The following RBKS variants were observed in gnomAD, a reference collection of about 807,000 sequenced individuals.
RBKS encodes the protein ribokinase.
Under a neutral mutation model 33.9 loss-of-function variants are expected in RBKS, and 33 were observed. The observed-to-expected ratio is 0.97, with a 90% CI of 0.74 to 1.30. RBKS has a LOEUF of 1.30. Among genes scored for constraint, RBKS ranks in the 50% most tolerant of loss-of-function variants. The pLI is 0.00. For missense variants in RBKS, 361 were observed against 392.6 expected, an observed-to-expected ratio of 0.92 and a Z score of 0.68; for synonymous variants, 125 against 143.0, an observed-to-expected ratio of 0.87 and a Z score of 0.90.
At chr2:27,844,142 C>T (rs1663569374) in intron 4 of RBKS, among the ~76,000 whole-genome samples, 2 of 151,874 alleles carry the variant, frequency 1.3e-5, no homozygotes, top group South Asian at 2.1e-4. Flanking sequence ...TGCCTGCAGT[C>T]GCAGCTACTT....
rs1664694757 is a variant in RBKS, at chr2:27,890,141, C to G, written c.89+116G>C. On this transcript the variant is annotated intron_variant, in intron 1 of 7. Transcript: ENST00000302188. The surrounding 1 kb of genome is among the most constrained non-coding windows in gnomAD (Gnocchi z 4.8). ...GCTTCGAAAACCTGCAGCTCATACC[C>G]AAAGCTAGCACTGTCTATCCCTGGA... is the stretch of plus-strand genomic sequence containing the variant. 2.2e-6 allele frequency: 2 copies of G among 894,866 alleles called. No homozygotes were observed. The highest frequency in any genetic ancestry group is 2.5e-5 in the Admixed American group (1 of 39,522). 55.4% of individuals were successfully genotyped at this position (894,866 alleles called of 1,614,324 possible).
intron 7 of RBKS, among the ~76,000 whole-genome samples, chr2:27,797,904 C>T (rs1677692501): frequency 6.6e-6 from 1 of 152,048 alleles, no homozygotes; most frequent in African/African-American, 2.4e-5. Context: ...AGTTGAAAGC[C>T]AGGGGCTGCT....
chr2:27,814,377 T>C (rs1678048212), intron 7 of RBKS, among the ~76,000 whole-genome samples: 1 of 152,192 alleles, frequency 6.6e-6, no homozygotes, highest in Non-Finnish European at 1.5e-5. Context: ...TGGATGTTCA[T>C]GATATTATTC....
intron 7 of RBKS, among the ~76,000 whole-genome samples, chr2:27,823,157 G>A (rs1399142393): frequency 1.3e-5 from 2 of 152,166 alleles, no homozygotes; most frequent in Admixed American, 6.5e-5. Context: ...GTCATTTGGA[G>A]GCTGAGATTC....
At chr2:27,844,744 T>C (rs1421940523) in intron 4 of RBKS, among the ~76,000 whole-genome samples, 1 of 152,188 alleles carries the variant, frequency 6.6e-6, no homozygotes, top group Admixed American at 6.5e-5. Context: ...TTTGGACATA[T>C]TGGGTTAAAT....
At chr2:27,861,493 C>T (rs1296080365) in intron 1 of RBKS, 1 of 470,976 alleles carries the variant, frequency 2.1e-6, no homozygotes, top group African/African-American at 2.0e-5. Context: ...TCATATATTC[C>T]TTCATTCATG....
chr2:27,848,006 C>T (rs953300246), intron 3 of RBKS, 28 bp downstream of exon 3: 2 of 1,254,924 alleles, frequency 1.6e-6, no homozygotes, highest in Non-Finnish European at 2.3e-6. Context: ...GCTATAAACA[C>T]TAACTTTAAA....
At chr2:27,800,049 CTTT>C (rs35932747) in intron 7 of RBKS, among the ~76,000 whole-genome samples, 7 of 112,360 alleles carry the variant, frequency 6.2e-5, no homozygotes, top group Admixed American at 2.0e-4. Flanking sequence ...TGTTAGGTGT[CTTT>C]TTTTTTTTTT....
At chr2:27,876,091 A>T (rs181480398) in intron 1 of RBKS, among the ~76,000 whole-genome samples, 6 of 152,316 alleles carry the variant, frequency 3.9e-5, no homozygotes, top group Admixed American at 3.3e-4. Context: ...CCTCAAAAAA[A>T]TTAAACATAG....
chr2:27,814,273 T>A (rs4666016), intron 7 of RBKS, among the ~76,000 whole-genome samples: 41,109 of 151,962 alleles, frequency 0.27, 6,499 homozygotes, highest in East Asian at 0.63. Flanking sequence ...TAAACACAGG[T>A]GTCATAGTGT....
chr2:27,824,030 T>TGA (rs1678266463), intron 7 of RBKS, among the ~76,000 whole-genome samples: 1 of 152,174 alleles, frequency 6.6e-6, no homozygotes, highest in African/African-American at 2.4e-5. Context: ...TCCATACTCA[T>TGA]TAGTAGTCAC....
chr2:27,845,214 C>T (rs1465045389), intron 4 of RBKS, among the ~76,000 whole-genome samples: 2 of 152,212 alleles, frequency 1.3e-5, no homozygotes, highest in African/African-American at 4.8e-5. Flanking sequence ...AGCAGCAAGC[C>T]CAAGACTATA....
chr2:27,883,002 A>C (rs950798856), intron 1 of RBKS, among the ~76,000 whole-genome samples: 5 of 150,262 alleles, frequency 3.3e-5, no homozygotes, highest in African/African-American at 9.8e-5. Flanking sequence ...CTGGGTGACA[A>C]AAAAAAAATA....
At chr2:27,846,974 A>C in intron 4 of RBKS, 68 bp downstream of exon 4, 1 of 1,110,688 alleles carries the variant, frequency 9.0e-7, no homozygotes, top group East Asian at 2.4e-5. Flanking sequence ...GTAAAAATTG[A>C]TGCTTCTGAT....
chr2:27,791,069 C>T (rs1423356302), intron 7 of RBKS, among the ~76,000 whole-genome samples: 2 of 152,094 alleles, frequency 1.3e-5, no homozygotes, highest in African/African-American at 4.8e-5. Flanking sequence ...CACATCCAGA[C>T]AAGGCAATAC....
chr2:27,805,629 C>T (rs1456282336), intron 7 of RBKS, among the ~76,000 whole-genome samples: 1 of 152,162 alleles, frequency 6.6e-6, no homozygotes. Flanking sequence ...GGCTGGAGTG[C>T]AGTGGCGCGA....
At position 27,832,781 on chromosome 2, in the gene RBKS, C is replaced by G; in HGVS notation, c.515-4G>C. ...GCTGGATTGAACAAGGTTTTCACTA[C>G]AAAGGAATGGAAAAGGGGGTTATTA... On this transcript the variant is annotated splice_polypyrimidine_tract_variant and splice_region_variant and intron_variant, in intron 5 of 7. Transcript: ENST00000302188. 1 of 1,585,824 alleles carries G rather than the reference C, an allele frequency of 6.3e-7. No homozygotes were observed. The highest frequency in any genetic ancestry group is 8.7e-7 in the Non-Finnish European group (1 of 1,154,468).
chr2:27,784,786 C>T lies in RBKS; in HGVS notation c.796-2998G>A, dbSNP rs572379463. ...GGTGTGAATGCAACTTTCATTCCCC[C>T]CATGAATGTTGTCTGAGTGCCTAAA... On this transcript the variant is annotated intron_variant, in intron 7 of 7. Coordinates refer to ENST00000302188, the MANE Select transcript of RBKS (RefSeq NM_022128.3). 2.0e-5 allele frequency among the ~76,000 whole-genome samples: 3 copies of T among 152,280 alleles called. No individual in the cohort carries two copies. The South Asian group carries it at 6.2e-4, about 32-fold the overall frequency.
At chr2:27,808,230 C>T (rs1001250673) in intron 7 of RBKS, among the ~76,000 whole-genome samples, 11 of 152,278 alleles carry the variant, frequency 7.2e-5, no homozygotes, top group Middle Eastern at 3.4e-3. Flanking sequence ...AGTGGTATTA[C>T]GAATGACACT....
Sources: gnomAD v4.1 joint callset for allele counts (sites outside exome capture counted in the v4.1 genomes callset) on GRCh38, gnomAD v4.1.1 for gene constraint, Gnocchi (gnomAD v3.1) non-coding constraint, MANE v1.5 for transcripts, NCBI Gene and HGNC (gene_info 2026-07-23, HGNC 2026-07-21) for gene names.